The following MALRD1 variants were observed in gnomAD, a reference collection of about 807,000 sequenced individuals.
The protein encoded by MALRD1 is MAM and LDL receptor class A domain containing 1, also known as MAM and LDL-receptor class A domain-containing protein 1.
MALRD1 carries 247 observed loss-of-function variants against 242.1 expected under a neutral mutation model. That is an observed-to-expected ratio of 1.02 (90% confidence interval 0.92 to 1.13). The LOEUF (loss-of-function observed/expected upper bound fraction) is 1.13. Among genes scored for constraint, MALRD1 ranks in the 50% most tolerant of loss-of-function variants. The probability of loss-of-function intolerance (pLI) is 0.00; values close to 1 mark genes in which losing one functional copy is unlikely to be tolerated. For missense variants in MALRD1, 2,989 were observed against 2,533.1 expected (o/e 1.18, Z -3.86); for synonymous variants, 995 against 866.6 (o/e 1.15, Z -2.60).
At position 19,324,112 on chromosome 10, in the gene MALRD1, C is replaced by A. The variant is rs1399873443; in HGVS notation, c.3576+7C>A. ...CACCGTTGGTTCTCTCCAGGTACTG[C>A]TTAGGCAATCACATTTTCTGAATTT... On this transcript the variant is annotated splice_region_variant and intron_variant, in intron 22 of 39. Transcript: ENST00000454679. 1 of 1,546,390 alleles carries A rather than the reference C, an allele frequency of 6.5e-7. No individual in the cohort carries two copies. Among genetic ancestry groups the A allele is most frequent in the Non-Finnish European group, 8.7e-7 (1 of 1,145,220 alleles).
chr10:19,298,425 C>A (rs561659465), intron 21 of MALRD1, among the ~76,000 whole-genome samples: 1 of 150,298 alleles, frequency 6.7e-6, no homozygotes, highest in South Asian at 2.1e-4. Flanking sequence ...ATGTGATTTA[C>A]AAGAGAACTG....
intron 17 of MALRD1, 63 bp from the exon 18 acceptor site, chr10:19,209,205 G>T: frequency 1.5e-6 from 2 of 1,341,236 alleles, no homozygotes; most frequent in Non-Finnish European, 9.9e-7. Context: ...TTAATAAATA[G>T]AATGTGGTTG....
chr10:19,625,721 T>A (rs192893143), intron 36 of MALRD1, among the ~76,000 whole-genome samples: 1 of 152,190 alleles, frequency 6.6e-6, no homozygotes, highest in Admixed American at 6.5e-5. Context: ...TGCTGAAATA[T>A]ATCATTAATA....
At chr10:19,057,437 A>T (rs1314358857) in intron 1 of MALRD1, among the ~76,000 whole-genome samples, 2 of 152,104 alleles carry the variant, frequency 1.3e-5, no homozygotes, top group African/African-American at 2.4e-5. Context: ...TCCAGTCCTG[A>T]AGGCACCATC....
At chr10:19,422,239 T>G (rs942350314) in intron 28 of MALRD1, among the ~76,000 whole-genome samples, 65 of 152,356 alleles carry the variant, frequency 4.3e-4, no homozygotes, top group African/African-American at 1.5e-3. Flanking sequence ...AATGCCACTT[T>G]GCAGTACCTT....
At chr10:19,217,557 A>T (rs1452673959) in intron 18 of MALRD1, among the ~76,000 whole-genome samples, 17 of 137,402 alleles carry the variant, frequency 1.2e-4, no homozygotes, top group African/African-American at 1.7e-4. Flanking sequence ...TTTTTGAGAC[A>T]GAGTCTCACT....
At chr10:19,477,380 A>T (rs928436820) in intron 29 of MALRD1, among the ~76,000 whole-genome samples, 12 of 152,080 alleles carry the variant, frequency 7.9e-5, no homozygotes, top group African/African-American at 2.2e-4. Context: ...TACTTGGGGG[A>T]TTTTACAAAT....
chr10:19,152,042 G>C (rs1016494251), intron 11 of MALRD1, among the ~76,000 whole-genome samples: 1 of 152,142 alleles, frequency 6.6e-6, no homozygotes, highest in Non-Finnish European at 1.5e-5. Flanking sequence ...GGTCGAGCCA[G>C]ATGTGAACAC....
chr10:19,597,997 A>G (rs1838182171), intron 34 of MALRD1, among the ~76,000 whole-genome samples: 1 of 152,148 alleles, frequency 6.6e-6, no homozygotes, highest in Admixed American at 6.6e-5. Context: ...GAAATGTAGA[A>G]AGAATCCTGG....
At chr10:19,077,810 T>C (rs779600654) in intron 2 of MALRD1, among the ~76,000 whole-genome samples, 10 of 151,930 alleles carry the variant, frequency 6.6e-5, no homozygotes, top group Non-Finnish European at 1.0e-4. Context: ...TGTTTAACCT[T>C]GTTAACTGAT....
chr10:19,580,846 C>T (rs1249426882), intron 33 of MALRD1, among the ~76,000 whole-genome samples: 1 of 152,030 alleles, frequency 6.6e-6, no homozygotes, highest in Admixed American at 6.6e-5. Flanking sequence ...TTGGTCATGG[C>T]CAAACAAGCC....
chr10:19,364,095 C>T (rs1484471995), intron 26 of MALRD1, among the ~76,000 whole-genome samples: 1 of 151,874 alleles, frequency 6.6e-6, no homozygotes, highest in Non-Finnish European at 1.5e-5. Context: ...GAAGGGAAAA[C>T]CAGTTTTTAC....
At chr10:19,172,684 T>C (rs1835064660) in intron 13 of MALRD1, among the ~76,000 whole-genome samples, 1 of 151,682 alleles carries the variant, frequency 6.6e-6, no homozygotes. Flanking sequence ...CCTCCAGTTT[T>C]CTCTGAGTAG....
At chr10:19,319,805 C>G (rs1842844534) in intron 21 of MALRD1, among the ~76,000 whole-genome samples, 1 of 151,904 alleles carries the variant, frequency 6.6e-6, no homozygotes, top group Admixed American at 6.6e-5. Context: ...AAGATGATCA[C>G]CTTTGTATTT....
chr10:19,733,601 T>C (rs1344692121), intron 39 of MALRD1, among the ~76,000 whole-genome samples: 1 of 151,596 alleles, frequency 6.6e-6, no homozygotes, highest in Non-Finnish European at 1.5e-5. Flanking sequence ...ATATGGCTCT[T>C]AAATCTCTTT....
At chr10:19,381,161 TC>T (rs1188275739) in intron 26 of MALRD1, among the ~76,000 whole-genome samples, 3 of 148,870 alleles carry the variant, frequency 2.0e-5, no homozygotes, top group African/African-American at 7.5e-5. Flanking sequence ...TATGCGGTGT[TC>T]GGTTTTTTGT....
At chr10:19,474,379 A>G (rs934796269) in intron 29 of MALRD1, among the ~76,000 whole-genome samples, 4 of 152,120 alleles carry the variant, frequency 2.6e-5, no homozygotes, top group Non-Finnish European at 5.9e-5. Context: ...AGATTTGAGT[A>G]AAAGTGTCCA....
chr10:19,238,715 A>G (rs538420496), intron 18 of MALRD1, among the ~76,000 whole-genome samples: 149 of 149,752 alleles, frequency 9.9e-4, no homozygotes, highest in African/African-American at 3.3e-3. Context: ...TCCTATGGAT[A>G]TATACCCAGT....
intron 36 of MALRD1, among the ~76,000 whole-genome samples, chr10:19,683,700 TCATAA>T (rs3071778): frequency 0.035 from 5,301 of 152,310 alleles, 128 homozygotes; most frequent in South Asian, 0.06. Flanking sequence ...AGTGTTGCTC[TCATAA>T]CAGATAAAAA....
Sources: gnomAD v4.1 joint callset for allele counts (sites outside exome capture counted in the v4.1 genomes callset) on GRCh38, gnomAD v4.1.1 for gene constraint, MANE v1.5 for transcripts, NCBI Gene and HGNC (gene_info 2026-07-23, HGNC 2026-07-21) for gene names.